The following SHISA9 variants were observed in gnomAD, a reference collection of about 807,000 sequenced individuals.
The protein encoded by SHISA9 is shisa family member 9, also known as protein shisa-9.
Under a neutral mutation model 38.0 loss-of-function variants are expected in SHISA9, and 13 were observed. That is an observed-to-expected ratio of 0.34 (90% CI 0.22 to 0.54). The LOEUF is 0.54. SHISA9 is among the 20% of genes least tolerant of loss of function. The pLI is 0.91. For missense variants in SHISA9, 538 were observed against 575.8 expected, an observed-to-expected ratio of 0.93 and a Z score of 0.67; for synonymous variants, 275 against 242.0, an observed-to-expected ratio of 1.14 and a Z score of -1.27.
chr16:13,208,854 G>T (rs1428959333), intron 3 of SHISA9, among the ~76,000 whole-genome samples: 1 of 152,090 alleles, frequency 6.6e-6, no homozygotes, highest in Non-Finnish European at 1.5e-5. Flanking sequence ...GTGTCATGTG[G>T]GGTGCTTAGT....
At chr16:12,941,843 T>C (rs150754271) in intron 2 of SHISA9, among the ~76,000 whole-genome samples, 27 of 152,278 alleles carry the variant, frequency 1.8e-4, no homozygotes, top group Admixed American at 3.3e-4. Flanking sequence ...AGAGCAAGAC[T>C]CTGTCTCAAA....
the SHISA9 span, among the ~76,000 whole-genome samples, chr16:13,313,578 G>C: frequency 6.6e-6 from 1 of 152,142 alleles, no homozygotes; most frequent in African/African-American, 2.4e-5. Context: ...GAGGAGGGTG[G>C]TGTGTGTGGA....
At chr16:13,382,250 G>A in the SHISA9 span, among the ~76,000 whole-genome samples, 131 of 152,254 alleles carry the variant, frequency 8.6e-4, 2 homozygotes, top group East Asian at 0.024. Context: ...TATTATGACT[G>A]GGCACAGTGG....
At chr16:13,138,962 A>C (rs2050373686) in intron 2 of SHISA9, among the ~76,000 whole-genome samples, 1 of 152,126 alleles carries the variant, frequency 6.6e-6, no homozygotes. Context: ...GGACACCCTG[A>C]AGCATTGCGG....
Position 13,077,624 on chromosome 16 carries a change from T to C in SHISA9, c.692-125770T>C, listed in dbSNP as rs192240225. 6.6e-5 allele frequency among the ~76,000 whole-genome samples: 10 copies of C among 152,266 alleles called. No homozygotes were observed. In the East Asian group the frequency reaches 1.9e-3, roughly 29 times the overall value. ...ACATTTTCTCTGCCCAGGTGAGAAG[T>C]AGTAGCCTGCTCCACCTTGCCTGCA... On this transcript the variant is annotated intron_variant, in intron 2 of 4. Transcript: ENST00000558583.
chr16:13,124,629 T>C (rs1414569884), intron 2 of SHISA9, among the ~76,000 whole-genome samples: 2 of 152,116 alleles, frequency 1.3e-5, no homozygotes, highest in Non-Finnish European at 2.9e-5. Context: ...CTAAAACTTA[T>C]ATGGAACCAC....
At chr16:13,171,288 G>A (rs1402794152) in intron 2 of SHISA9, among the ~76,000 whole-genome samples, 2 of 152,264 alleles carry the variant, frequency 1.3e-5, no homozygotes, top group East Asian at 3.9e-4. Flanking sequence ...CCCCAACACT[G>A]GGGATCACAT....
At position 13,167,735 on chromosome 16, in the gene SHISA9, C is replaced by T. The variant is rs140660126; in HGVS notation, c.692-35659C>T. Among the ~76,000 whole-genome samples, 756 of 152,270 alleles carry T rather than the reference C, an allele frequency of 5.0e-3. 2 individuals carry two copies. The highest frequency in any genetic ancestry group is 7.6e-3 in the Non-Finnish European group (516 of 68,012). ...ACATGCCTGCTTTCCCTTCGCCTTC[C>T]GCCATGATTGTTATTTTCCCGAGGC... On this transcript the variant is annotated intron_variant, in intron 2 of 4. Transcript: ENST00000558583.
chr16:13,409,399 G>C, the SHISA9 span, among the ~76,000 whole-genome samples: 1 of 152,216 alleles, frequency 6.6e-6, no homozygotes, highest in African/African-American at 2.4e-5. Context: ...AGGGTCCACT[G>C]AGCTGGTTAA....
chr16:13,304,973 T>C, the SHISA9 span, among the ~76,000 whole-genome samples: 1 of 152,234 alleles, frequency 6.6e-6, no homozygotes, highest in Non-Finnish European at 1.5e-5. Context: ...AACGTAACTA[T>C]GCTAGGCTGA....
At chr16:13,170,202 CAA>C (rs71147788) in intron 2 of SHISA9, among the ~76,000 whole-genome samples, 100 of 91,960 alleles carry the variant, frequency 1.1e-3, no homozygotes, top group Admixed American at 3.3e-3. Context: ...GACTCCATCT[CAA>C]AAAAAAAAAA....
At chr16:13,287,448 CTAGAAGGAG>C in the SHISA9 span, among the ~76,000 whole-genome samples, 2 of 152,256 alleles carry the variant, frequency 1.3e-5, no homozygotes, top group Non-Finnish European at 2.9e-5. Context: ...ACCAGAAGGA[CTAGAAGGAG>C]TTAATCAGGT....
chr16:12,998,843 T>C (rs1363120459), intron 2 of SHISA9, among the ~76,000 whole-genome samples: 2 of 152,228 alleles, frequency 1.3e-5, no homozygotes, highest in African/African-American at 2.4e-5. Context: ...TTGATCTTCA[T>C]AAAGTACAGT....
chr16:13,175,597 G>T (rs904337692), intron 2 of SHISA9, among the ~76,000 whole-genome samples: 1 of 152,184 alleles, frequency 6.6e-6, no homozygotes, highest in African/African-American at 2.4e-5. Context: ...ACTGTGACTT[G>T]TAAGAGAGGC....
chr16:12,928,132 T>C (rs1360358654), intron 2 of SHISA9, among the ~76,000 whole-genome samples: 1 of 152,044 alleles, frequency 6.6e-6, no homozygotes, highest in East Asian at 1.9e-4. Flanking sequence ...GAAGTTAGCC[T>C]CATGAAAAAC....
the SHISA9 span, among the ~76,000 whole-genome samples, chr16:13,403,450 ACT>A: frequency 1.7e-3 from 255 of 152,278 alleles, 2 homozygotes; most frequent in African/African-American, 5.9e-3. Flanking sequence ...TGAATGAGTG[ACT>A]CTGCAGGATC....
the SHISA9 span, among the ~76,000 whole-genome samples, chr16:13,470,714 C>A: frequency 0.25 from 37,914 of 152,024 alleles, 4,860 homozygotes; most frequent in South Asian, 0.31. Flanking sequence ...AAGAATCATA[C>A]ATTAAAGGCT....
intron 2 of SHISA9, among the ~76,000 whole-genome samples, chr16:12,945,378 T>C (rs536837847): frequency 6.6e-6 from 1 of 152,332 alleles, no homozygotes; most frequent in East Asian, 1.9e-4. Flanking sequence ...TGGGAATGGA[T>C]ATTTCGTTTG....
chr16:13,468,258 T>G, the SHISA9 span, among the ~76,000 whole-genome samples: 1 of 152,200 alleles, frequency 6.6e-6, no homozygotes, highest in African/African-American at 2.4e-5. Flanking sequence ...TTATCTCCAT[T>G]GATTCAACAA....
Sources: gnomAD v4.1 joint callset for allele counts (sites outside exome capture counted in the v4.1 genomes callset) on GRCh38, gnomAD v4.1.1 for gene constraint, MANE v1.5 for transcripts, NCBI Gene and HGNC (gene_info 2026-07-23, HGNC 2026-07-21) for gene names.